The following RABEP1 variants were observed in gnomAD, a reference collection of about 807,000 sequenced individuals.
RABEP1 encodes rabaptin, RAB GTPase binding effector protein 1.
A neutral mutation model predicts 123.4 loss-of-function variants in RABEP1; 51 were observed. The observed-to-expected ratio is 0.41, with a 90% CI of 0.33 to 0.52. The LOEUF is 0.52. Among genes scored for constraint, RABEP1 ranks in the 20% least tolerant of loss-of-function variants. The pLI is 0.16. For synonymous variants in RABEP1, 347 were observed against 355.2 expected (o/e 0.98, Z 0.26); for missense variants, 888 against 996.3 (o/e 0.89, Z 1.46).
At chr17:5,323,166 A>G (rs1254700214) in intron 2 of RABEP1, among the ~76,000 whole-genome samples, 4 of 152,180 alleles carry the variant, frequency 2.6e-5, no homozygotes, top group Non-Finnish European at 4.4e-5. Flanking sequence ...CCTCTTTATG[A>G]TACAAACCCT....
At chr17:5,353,372 T>A (rs1765355211) in intron 7 of RABEP1, among the ~76,000 whole-genome samples, 1 of 152,222 alleles carries the variant, frequency 6.6e-6, no homozygotes, top group South Asian at 2.1e-4. Context: ...TCTCCTTCTT[T>A]AGAACCTTGT....
Position 5,373,487 on chromosome 17 carries a change from A to G in RABEP1, c.2025+33A>G, listed in dbSNP as rs200635900. ...ACTTTCCACATGATCAAAAATGTCAACAAGTACGTTTTCTGAAATGGCCGT... is the reference window on the plus strand; with the variant it reads ...ACTTTCCACATGATCAAAAATGTCAGCAAGTACGTTTTCTGAAATGGCCGT... On this transcript the variant is annotated intron_variant, in intron 13 of 17. Transcript: ENST00000537505. 127 of 1,570,850 alleles carry G rather than the reference A, an allele frequency of 8.1e-5. 1 individual carries two copies. The South Asian group carries it at 8.4e-4, about 10-fold the overall frequency.
At chr17:5,334,173 A>G (rs1201291211) in intron 3 of RABEP1, among the ~76,000 whole-genome samples, 1 of 151,346 alleles carries the variant, frequency 6.6e-6, no homozygotes, top group Non-Finnish European at 1.5e-5. Flanking sequence ...AGCTGGGACC[A>G]CAGACATGGC....
intron 1 of RABEP1, among the ~76,000 whole-genome samples, chr17:5,302,654 C>T (rs1332274744): frequency 6.7e-6 from 1 of 148,874 alleles, no homozygotes; most frequent in African/African-American, 2.5e-5. Context: ...CCTCAACCTC[C>T]CAGGCGCAAG....
At chr17:5,380,302 T>G (rs763798523) in intron 15 of RABEP1, 62 bp from the exon 16 acceptor site, 2 of 1,136,580 alleles carry the variant, frequency 1.8e-6, no homozygotes, top group African/African-American at 3.2e-5. Flanking sequence ...TAGGCTCTTT[T>G]AGGTAGTGCA....
intron 16 of RABEP1, 23 bp downstream of exon 16, chr17:5,380,485 A>C: frequency 6.8e-7 from 1 of 1,477,768 alleles, no homozygotes; most frequent in Non-Finnish European, 9.2e-7. Context: ...TTAGTCATTT[A>C]ATTTTAAAAA....
chr17:5,378,026 T>A, intron 14 of RABEP1, 151 bp from the exon 15 acceptor site: 1 of 605,640 alleles, frequency 1.7e-6, no homozygotes, highest in South Asian at 2.1e-5. Flanking sequence ...CTAAATATGC[T>A]GATTGCTTGG....
chr17:5,304,875 C>G (rs79027334), intron 1 of RABEP1, among the ~76,000 whole-genome samples: 2,471 of 152,260 alleles, frequency 0.016, 74 homozygotes, highest in African/African-American at 0.055. Flanking sequence ...GACTTCTGGT[C>G]TTTTCTGGCT....
intron 2 of RABEP1, among the ~76,000 whole-genome samples, chr17:5,320,672 C>G (rs2075346745): frequency 6.6e-6 from 1 of 152,030 alleles, no homozygotes; most frequent in South Asian, 2.1e-4. Flanking sequence ...CCACTTATTT[C>G]TTTGTTTCTA....
In RABEP1 at chr17:5,365,193, G is replaced by C; in HGVS notation, c.1740G>C (p.Glu580Asp). 1 of 1,611,794 alleles carries C rather than the reference G, an allele frequency of 6.2e-7. No individual in the cohort carries two copies. Among genetic ancestry groups the C allele is most frequent in the Middle Eastern group, 1.7e-4 (1 of 6,044 alleles). The change falls in exon 11 of 18, where the codon GAG (glutamate) becomes GAC (aspartate). Residue 580 changes from glutamate to aspartate, a missense_variant. Physicochemically the swap from Glu to Asp is conservative, Grantham distance 45 (BLOSUM62 2). Transcript: ENST00000537505. ...AGAAGACAATGAAAGATAAGCAGGA[G>C]CTGGAAGACTTCATAAAGCAAAGCA... is the stretch of plus-strand genomic sequence containing the variant. The part of the protein sequence containing the change: ...QLEKTMKDKQ[E>D]LEDFIKQSSE...
rs1298836053 is a variant in RABEP1 at position 5,308,707 on chromosome 17, A to G, written c.48A>G (p.Gln16=). Residue 16 remains glutamine (Q), a synonymous_variant, in exon 2 of 18, where the codon CAA becomes CAG. Transcript: ENST00000537505. ...PASQPDVSLQ[Q]RVAELEKINA... ...TTTTTCCCCCAGTTTCTCTTCAGCA[A>G]CGGGTAGCAGAATTGGAAAAAATTA... 1.9e-6 allele frequency: 3 copies of G among 1,610,042 alleles called. No individual in the cohort carries two copies. The highest frequency in any genetic ancestry group is 1.7e-6 in the Non-Finnish European group (2 of 1,178,800).
intron 2 of RABEP1, among the ~76,000 whole-genome samples, chr17:5,317,062 G>A (rs2075305512): frequency 6.6e-6 from 1 of 151,940 alleles, no homozygotes; most frequent in Admixed American, 6.6e-5. Flanking sequence ...CTGCTACCAT[G>A]CCTGGCTAAT....
chr17:5,329,454 C>T (rs1414492961), intron 2 of RABEP1, among the ~76,000 whole-genome samples: 1 of 152,170 alleles, frequency 6.6e-6, no homozygotes, highest in Admixed American at 6.5e-5. Context: ...TCTGTTGAAC[C>T]CGGGAGGCAG....
chr17:5,312,295 T>A (rs1339969081), intron 2 of RABEP1, among the ~76,000 whole-genome samples: 4 of 152,116 alleles, frequency 2.6e-5, no homozygotes, highest in Admixed American at 2.0e-4. Flanking sequence ...ATTACAGGTG[T>A]GTGCCACCAC....
At chr17:5,353,885 T>A (rs1398098013) in intron 7 of RABEP1, among the ~76,000 whole-genome samples, 1 of 152,108 alleles carries the variant, frequency 6.6e-6, no homozygotes, top group Non-Finnish European at 1.5e-5. Context: ...GTGGAGAGGA[T>A]GAGGTGGGAG....
intron 1 of RABEP1, among the ~76,000 whole-genome samples, chr17:5,302,578 T>C (rs574812898): frequency 2.6e-4 from 40 of 151,034 alleles, no homozygotes; most frequent in South Asian, 2.5e-3. Flanking sequence ...TATAAGCTTT[T>C]TAATTTTTTA....
chr17:5,367,421 G>GTGCA (rs1910120978), intron 11 of RABEP1, among the ~76,000 whole-genome samples: 1 of 150,464 alleles, frequency 6.6e-6, no homozygotes. Context: ...ACAGGCACCC[G>GTGCA]CCACCACGCC....
At chr17:5,330,044 C>T (rs1906380248) in intron 2 of RABEP1, among the ~76,000 whole-genome samples, 1 of 152,092 alleles carries the variant, frequency 6.6e-6, no homozygotes. Flanking sequence ...AGTGTATAAA[C>T]TTGAGCCTTG....
intron 12 of RABEP1, 124 bp downstream of exon 12, chr17:5,368,592 G>A (rs747164830): frequency 5.4e-5 from 35 of 652,074 alleles, no homozygotes; most frequent in East Asian, 1.1e-4. Context: ...GTCTTCTCCC[G>A]GGACTGTAGA....
Sources: gnomAD v4.1 joint callset for allele counts (sites outside exome capture counted in the v4.1 genomes callset) on GRCh38, gnomAD v4.1.1 for gene constraint, MANE v1.5 for transcripts, NCBI Gene and HGNC (gene_info 2026-07-23, HGNC 2026-07-21) for gene names.